Variants in DIAPH2 observed in about 807,000 individuals in gnomAD.
DIAPH2 encodes the protein diaphanous related formin 2.
Under a neutral mutation model 92.7 loss-of-function variants are expected in DIAPH2, and 35 were observed. That is an observed-to-expected ratio of 0.38 (90% CI 0.29 to 0.50). DIAPH2 has a LOEUF of 0.50. Among genes scored for constraint, DIAPH2 ranks in the 20% least tolerant of loss-of-function variants. DIAPH2 has a pLI of 0.94. For missense variants in DIAPH2, 701 were observed against 819.5 expected (o/e 0.86, Z 1.77); for synonymous variants, 301 against 280.4 (o/e 1.07, Z -0.73).
chrX:97,013,366 C>T (rs975199238), intron 17 of DIAPH2, among the ~76,000 whole-genome samples: 3 of 111,955 alleles, frequency 2.7e-5, no homozygotes, highest in Non-Finnish European at 5.6e-5. Flanking sequence ...AGCTGTCCAC[C>T]CCCTTTTCTC....
intron 23 of DIAPH2, among the ~76,000 whole-genome samples, chrX:97,278,626 TC>T (rs950444028): frequency 1.8e-5 from 2 of 112,293 alleles, no homozygotes; most frequent in Non-Finnish European, 3.8e-5. Context: ...TTAAGGCTCT[TC>T]CATGTCATTT....
chrX:96,886,390 CA>C (rs1220868995), intron 5 of DIAPH2, among the ~76,000 whole-genome samples: 12 of 105,296 alleles, frequency 1.1e-4, no homozygotes, highest in East Asian at 2.9e-4. Flanking sequence ...AAAACTGCAA[CA>C]AAAAAAAAAT....
intron 10 of DIAPH2, among the ~76,000 whole-genome samples, chrX:96,932,577 A>G (rs1246976990): frequency 9.0e-6 from 1 of 111,035 alleles, no homozygotes; most frequent in Non-Finnish European, 1.9e-5. Context: ...ATAGCCCTAT[A>G]TAAAACTTTT....
In DIAPH2 at chrX:97,073,027, A is replaced by T. The variant is rs1602321701; in HGVS notation, c.2137A>T (p.Thr713Ser). The change falls in exon 18 of 27, where the codon ACA (threonine) becomes TCA (serine). Residue 713 changes from threonine to serine, a missense_variant. Transcript: ENST00000324765. ...AGAACTGAGAATTTTGGATCCCAAA[A>T]CAGCTCAGAATCTGTGTATGTAATA... ...VKELRILDPK[T>S]AQNLSIFLGS... is the part of the protein sequence containing the mutation. The T allele has an allele frequency of 8.4e-7, 1 of 1,190,793 alleles. No homozygotes were observed. Among genetic ancestry groups the T allele is most frequent in the East Asian group, 3.0e-5 (1 of 33,627 alleles).
At chrX:96,711,999 A>C (rs1450529230) in intron 1 of DIAPH2, among the ~76,000 whole-genome samples, 1 of 111,663 alleles carries the variant, frequency 9.0e-6, no homozygotes, top group Non-Finnish European at 1.9e-5. Flanking sequence ...CTAGATATTG[A>C]ATTTTTAGAA....
chrX:96,725,996 T>A (rs752037821), intron 1 of DIAPH2, among the ~76,000 whole-genome samples: 1 of 111,880 alleles, frequency 8.9e-6, no homozygotes, highest in East Asian at 2.8e-4. Flanking sequence ...AGAGTGATAA[T>A]CATAGCCATT....
At chrX:97,053,764 A>G (rs1210167585) in intron 17 of DIAPH2, among the ~76,000 whole-genome samples, 2 of 111,822 alleles carry the variant, frequency 1.8e-5, no homozygotes, top group African/African-American at 6.5e-5. Flanking sequence ...TAAGAAAAAA[A>G]TCAATACAGT....
At chrX:97,328,649 CAT>C (rs992748360) in intron 23 of DIAPH2, among the ~76,000 whole-genome samples, 1 of 110,056 alleles carries the variant, frequency 9.1e-6, no homozygotes, top group Non-Finnish European at 1.9e-5. Flanking sequence ...GATTATTTGC[CAT>C]ATGTTATTTT....
intron 23 of DIAPH2, among the ~76,000 whole-genome samples, chrX:97,347,280 G>A (rs1461736273): frequency 1.9e-5 from 2 of 107,568 alleles, no homozygotes; most frequent in Admixed American, 1.0e-4. Flanking sequence ...TAGTGGAGAC[G>A]GGGTTTCACT....
chrX:97,186,072 A>AT (rs1191119556), intron 22 of DIAPH2, among the ~76,000 whole-genome samples: 1 of 111,493 alleles, frequency 9.0e-6, no homozygotes, highest in Non-Finnish European at 1.9e-5. Flanking sequence ...TATATAAATG[A>AT]TTTAAAAAAA....
chrX:96,810,107 C>T (rs1386312141), intron 4 of DIAPH2, among the ~76,000 whole-genome samples: 8 of 112,132 alleles, frequency 7.1e-5, no homozygotes, highest in African/African-American at 1.6e-4. Flanking sequence ...TCTTCCACAA[C>T]GGTTGAACTA....
intron 15 of DIAPH2, among the ~76,000 whole-genome samples, chrX:96,957,256 G>A (rs1299951219): frequency 2.7e-5 from 3 of 112,259 alleles, no homozygotes. Flanking sequence ...CCTGACCTCA[G>A]GTAATTCACC....
intron 25 of DIAPH2, among the ~76,000 whole-genome samples, chrX:97,421,408 T>A (rs750098364): frequency 5.8e-4 from 65 of 111,708 alleles, no homozygotes; most frequent in African/African-American, 2.1e-3. Flanking sequence ...TTGTGTTATC[T>A]ACAAATCTGT....
chrX:97,221,158 T>C (rs2067921561), intron 22 of DIAPH2, among the ~76,000 whole-genome samples: 1 of 111,607 alleles, frequency 9.0e-6, no homozygotes, highest in Admixed American at 9.5e-5. Context: ...CTAATTTAAG[T>C]TGAACTAGGT....
chrX:96,889,126 C>G (rs2065290045), intron 5 of DIAPH2, among the ~76,000 whole-genome samples: 1 of 111,580 alleles, frequency 9.0e-6, no homozygotes, highest in Non-Finnish European at 1.9e-5. Flanking sequence ...GCTTAAGAGA[C>G]AAAACATTAT....
At chrX:97,404,095 T>C (rs192898628) in intron 25 of DIAPH2, among the ~76,000 whole-genome samples, 199 of 110,809 alleles carry the variant, frequency 1.8e-3, no homozygotes, top group African/African-American at 6.5e-3. Context: ...TCAGGTGATC[T>C]GCCAGTCTCA....
intron 3 of DIAPH2, among the ~76,000 whole-genome samples, chrX:96,747,589 T>C (rs956279400): frequency 1.8e-5 from 2 of 112,106 alleles, no homozygotes; most frequent in African/African-American, 6.5e-5. Flanking sequence ...TCATAAGTAA[T>C]CCCAAACCTT....
intron 4 of DIAPH2, among the ~76,000 whole-genome samples, chrX:96,842,985 A>T (rs147653810): frequency 0.034 from 3,817 of 111,553 alleles, 70 homozygotes; most frequent in Non-Finnish European, 0.052. Flanking sequence ...GAAGGTTATT[A>T]TTGGTAACAT....
chrX:97,450,619 G>T (rs1308563285), intron 26 of DIAPH2, among the ~76,000 whole-genome samples: 1 of 111,245 alleles, frequency 9.0e-6, no homozygotes, highest in Non-Finnish European at 1.9e-5. Flanking sequence ...CCCCACCTCT[G>T]TATAACTTTT....
Sources: allele counts gnomAD v4.1 joint callset (sites outside exome capture counted in the v4.1 genomes callset), GRCh38; gene constraint gnomAD v4.1.1; transcripts MANE v1.5; gene names NCBI Gene and HGNC (gene_info 2026-07-23, HGNC 2026-07-21).